The following ASTN2 variants were observed in gnomAD, a reference collection of about 807,000 sequenced individuals.
The protein encoded by ASTN2 is astrotactin-2.
ASTN2 carries 54 observed loss-of-function variants against 139.8 expected under a neutral mutation model. The ratio of observed to expected loss-of-function variants is 0.39; its 90% CI spans 0.31 to 0.48. The LOEUF is 0.48. Ranked by LOEUF, ASTN2 falls within the 20% of genes least tolerant of loss-of-function variation. ASTN2 has a pLI of 0.95. For synonymous variants in ASTN2, 756 were observed against 719.5 expected (o/e 1.05, Z -0.81); for missense variants, 1,565 against 1,725.1 (o/e 0.91, Z 1.64).
intron 6 of ASTN2, among the ~76,000 whole-genome samples, chr9:117,023,288 A>G (rs1311047401): frequency 6.6e-6 from 1 of 152,106 alleles, no homozygotes; most frequent in South Asian, 2.1e-4. Flanking sequence ...TCTACAACTC[A>G]TCACCCAGTC....
chr9:117,014,079 T>C (rs73517468), intron 6 of ASTN2, among the ~76,000 whole-genome samples: 4,922 of 152,218 alleles, frequency 0.032, 247 homozygotes, highest in African/African-American at 0.11. Flanking sequence ...CTCCCTTCTG[T>C]TACATCATGA....
At chr9:116,797,008 A>G (rs1300961767) in intron 13 of ASTN2, among the ~76,000 whole-genome samples, 2 of 150,414 alleles carry the variant, frequency 1.3e-5, no homozygotes, top group Non-Finnish European at 3.0e-5. Context: ...TTTTGTAGAT[A>G]TGTGATATCA....
chr9:116,457,803 A>G (rs1176735901), intron 20 of ASTN2, among the ~76,000 whole-genome samples: 1 of 152,138 alleles, frequency 6.6e-6, no homozygotes, highest in Non-Finnish European at 1.5e-5. Flanking sequence ...GATTCCTCAA[A>G]ACACTAAAGC....
rs16933613 is a variant in ASTN2, at chr9:116,493,082, T to C, written c.3356-5582A>G. Among the ~76,000 whole-genome samples the C allele has an allele frequency of 0.016, 2,476 of 152,300 alleles. 297 individuals carry two copies. The South Asian group carries it at 0.26, about 16-fold the overall frequency. On this transcript the variant is annotated intron_variant, in intron 19 of 22. Coordinates refer to ENST00000313400, the MANE Select transcript of ASTN2 (RefSeq NM_001365068.1). ...GTGTTTGAATTCCAGAACTGTGCTG[T>C]ATTCTCTGATAGAAATACAGAGGCT...
At chr9:117,016,659 C>T (rs1275975898) in intron 6 of ASTN2, among the ~76,000 whole-genome samples, 4 of 11,962 alleles carry the variant, frequency 3.3e-4, no homozygotes, top group East Asian at 1.4e-3. Context: ...TATATATAAC[C>T]TATATATATG....
At chr9:116,775,458 GGA>G (rs1307637736) in intron 13 of ASTN2, among the ~76,000 whole-genome samples, 1 of 139,520 alleles carries the variant, frequency 7.2e-6, no homozygotes, top group East Asian at 2.2e-4. Flanking sequence ...AGAGAGGAGA[GGA>G]GAGAGGGAGG....
intron 13 of ASTN2, among the ~76,000 whole-genome samples, chr9:116,779,707 T>C (rs185810946): frequency 6.6e-6 from 1 of 152,304 alleles, no homozygotes; most frequent in Non-Finnish European, 1.5e-5. Context: ...GTTCATTTTC[T>C]CAGAGTAACA....
At chr9:117,095,538 A>G (rs1367644868) in intron 5 of ASTN2, among the ~76,000 whole-genome samples, 1 of 150,582 alleles carries the variant, frequency 6.6e-6, no homozygotes, top group South Asian at 2.1e-4. Context: ...TGGTCTGGTA[A>G]GTAAAATTTC....
At chr9:116,826,418 T>C (rs1831628617) in intron 11 of ASTN2, among the ~76,000 whole-genome samples, 1 of 152,134 alleles carries the variant, frequency 6.6e-6, no homozygotes, top group African/African-American at 2.4e-5. Context: ...TGAGGTAACA[T>C]GGCTGCAGCC....
At chr9:117,288,583 G>A (rs1479941824) in intron 2 of ASTN2, among the ~76,000 whole-genome samples, 3 of 152,206 alleles carry the variant, frequency 2.0e-5, no homozygotes, top group African/African-American at 7.2e-5. Context: ...CTGCCTTTTT[G>A]TTAGCCCAGG....
At chr9:116,671,184 A>C (rs1008983586) in intron 16 of ASTN2, among the ~76,000 whole-genome samples, 1 of 152,188 alleles carries the variant, frequency 6.6e-6, no homozygotes, top group African/African-American at 2.4e-5. Context: ...GAATACCTAG[A>C]ATTATTATAG....
chr9:117,018,903 A>C (rs1837794609), intron 6 of ASTN2, among the ~76,000 whole-genome samples: 1 of 152,138 alleles, frequency 6.6e-6, no homozygotes, highest in South Asian at 2.1e-4. Context: ...TTGGAGCTAA[A>C]AGAGGTTAAC....
At chr9:117,102,588 T>A (rs2132766935) in intron 4 of ASTN2, among the ~76,000 whole-genome samples, 1 of 152,294 alleles carries the variant, frequency 6.6e-6, no homozygotes, top group Admixed American at 6.5e-5. Context: ...AGTGGCATGA[T>A]CTCAGCTCAC....
chr9:117,215,231 C>T (rs563247776), intron 2 of ASTN2, among the ~76,000 whole-genome samples: 2 of 152,186 alleles, frequency 1.3e-5, no homozygotes, highest in East Asian at 3.9e-4. Context: ...ACTGAAAGAT[C>T]ATGAGACAGT....
At chr9:116,439,695 T>C (rs1847784638) in intron 22 of ASTN2, among the ~76,000 whole-genome samples, 1 of 152,022 alleles carries the variant, frequency 6.6e-6, no homozygotes, top group African/African-American at 2.4e-5. Flanking sequence ...CCCATCCTTT[T>C]CCCCCACAAC....
At chr9:117,225,647 C>T (rs1225368162) in intron 2 of ASTN2, among the ~76,000 whole-genome samples, 2 of 147,098 alleles carry the variant, frequency 1.4e-5, no homozygotes, top group African/African-American at 2.5e-5. Context: ...AGGGTAAGGT[C>T]ATACCTGGAA....
chr9:117,023,237 A>G (rs565851124), intron 6 of ASTN2, among the ~76,000 whole-genome samples: 25 of 152,252 alleles, frequency 1.6e-4, no homozygotes, highest in Admixed American at 5.2e-4. Context: ...CAGAAAGGAA[A>G]GAGAATGCCC....
At chr9:117,346,010 CA>C (rs35773511) in intron 1 of ASTN2, among the ~76,000 whole-genome samples, 16,229 of 92,480 alleles carry the variant, frequency 0.18, 1,244 homozygotes, top group East Asian at 0.35. Flanking sequence ...AACTAAGAGG[CA>C]AAAAAAAAAA....
intron 14 of ASTN2, among the ~76,000 whole-genome samples, chr9:116,729,947 G>A (rs367615213): frequency 4.5e-4 from 68 of 152,270 alleles, no homozygotes; most frequent in African/African-American, 1.5e-3. Context: ...AAACACTGGT[G>A]TAAACAAGAA....
Sources: allele counts gnomAD v4.1 joint callset (sites outside exome capture counted in the v4.1 genomes callset), GRCh38; gene constraint gnomAD v4.1.1; transcripts MANE v1.5; gene names NCBI Gene and HGNC (gene_info 2026-07-23, HGNC 2026-07-21).